PDE4D: variants seen among roughly 807,000 people sequenced by gnomAD.
PDE4D encodes 3',5'-cyclic-AMP phosphodiesterase 4D.
In PDE4D, 24 loss-of-function variants were observed where a neutral mutation model predicts 87.4. The ratio of observed to expected loss-of-function variants is 0.27; its 90% confidence interval spans 0.20 to 0.39. The LOEUF (loss-of-function observed/expected upper bound fraction) is 0.39. Among genes scored for constraint, PDE4D ranks in the 10% least tolerant of loss-of-function variants. The pLI, the probability that PDE4D is intolerant of heterozygous loss-of-function variation, is 1.00. For synonymous variants in PDE4D, 384 were observed against 383.2 expected, an observed-to-expected ratio of 1.00 and a Z score of -0.02; for missense variants, 714 against 1,041.0, an observed-to-expected ratio of 0.69 and a Z score of 4.32.
chr5:60,048,768 A>G (rs994123822), intron 2 of PDE4D, among the ~76,000 whole-genome samples: 1 of 151,968 alleles, frequency 6.6e-6, no homozygotes, highest in Non-Finnish European at 1.5e-5. Context: ...TTTGAGGGTA[A>G]CCCGACCTTT....
intron 1 of PDE4D, among the ~76,000 whole-genome samples, chr5:59,242,275 G>C (rs1415592455): frequency 6.6e-6 from 1 of 152,072 alleles, no homozygotes; most frequent in African/African-American, 2.4e-5. Flanking sequence ...GCTGATACAA[G>C]GTGCAGATTA....
At chr5:59,436,746 C>T (rs777310558) in intron 1 of PDE4D, among the ~76,000 whole-genome samples, 106 of 152,096 alleles carry the variant, frequency 7.0e-4, no homozygotes, top group Non-Finnish European at 1.2e-3. Context: ...GCTTTATTCT[C>T]CAGCTAATGG....
chr5:59,874,652 T>C (rs1581533900), intron 1 of PDE4D, among the ~76,000 whole-genome samples: 2 of 152,314 alleles, frequency 1.3e-5, no homozygotes, highest in African/African-American at 4.8e-5. Context: ...CTGTACCCTT[T>C]CCTCACACAA....
chr5:60,364,004 G>A (rs1760309006), intron 1 of PDE4D, among the ~76,000 whole-genome samples: 1 of 152,212 alleles, frequency 6.6e-6, no homozygotes. Context: ...GAAGTTACTG[G>A]TGAGTGTTAA....
At chr5:59,937,651 T>C (rs550462677) in intron 3 of PDE4D, among the ~76,000 whole-genome samples, 5 of 152,316 alleles carry the variant, frequency 3.3e-5, no homozygotes, top group African/African-American at 1.2e-4. Flanking sequence ...TCCTATTGAA[T>C]TAAGACCCTA....
chr5:59,415,890 CATA>C (rs1223708170), intron 1 of PDE4D, among the ~76,000 whole-genome samples: 13 of 152,144 alleles, frequency 8.5e-5, no homozygotes, highest in Non-Finnish European at 1.6e-4. Context: ...CGAAGTGTCT[CATA>C]ATATTTCTAT....
intron 2 of PDE4D, among the ~76,000 whole-genome samples, chr5:60,035,131 C>T (rs1767648147): frequency 1.3e-5 from 2 of 152,192 alleles, no homozygotes; most frequent in South Asian, 4.2e-4. Context: ...TGACGTATGC[C>T]TGTAGTCCCA....
At chr5:60,317,439 CT>C (rs1755737297) in intron 1 of PDE4D, among the ~76,000 whole-genome samples, 1 of 152,140 alleles carries the variant, frequency 6.6e-6, no homozygotes, top group Non-Finnish European at 1.5e-5. Flanking sequence ...AAAAAACCAG[CT>C]CTTGGATTCA....
At chr5:60,195,652 C>T (rs564157855) in intron 1 of PDE4D, among the ~76,000 whole-genome samples, 22 of 151,618 alleles carry the variant, frequency 1.5e-4, no homozygotes, top group South Asian at 4.2e-4. Context: ...GAGATAAATA[C>T]GATAAAAATC....
At chr5:60,073,944 C>A (rs1341898964) in intron 2 of PDE4D, among the ~76,000 whole-genome samples, 1 of 151,868 alleles carries the variant, frequency 6.6e-6, no homozygotes, top group Non-Finnish European at 1.5e-5. Flanking sequence ...AGCTAGCAGT[C>A]CATCTGTCTT....
intron 5 of PDE4D, among the ~76,000 whole-genome samples, chr5:59,178,873 G>C (rs1740791458): frequency 6.6e-6 from 1 of 152,136 alleles, no homozygotes; most frequent in Admixed American, 6.5e-5. Flanking sequence ...TTAGTGCCTG[G>C]AGCAGCGTGA....
chr5:60,185,915 A>C (rs903924408), intron 1 of PDE4D, among the ~76,000 whole-genome samples: 2 of 148,746 alleles, frequency 1.3e-5, no homozygotes, highest in Non-Finnish European at 3.0e-5. Flanking sequence ...TTAAATATTC[A>C]ACTCTACAGT....
intron 1 of PDE4D, among the ~76,000 whole-genome samples, chr5:59,750,563 C>T (rs554248691): frequency 6.6e-6 from 1 of 152,300 alleles, no homozygotes; most frequent in Admixed American, 6.5e-5. Flanking sequence ...CTTACCCTGA[C>T]TTATTCTTCT....
At chr5:60,290,029 C>T (rs1030856224) in intron 1 of PDE4D, among the ~76,000 whole-genome samples, 2 of 152,114 alleles carry the variant, frequency 1.3e-5, no homozygotes, top group Non-Finnish European at 2.9e-5. Context: ...CTAGATATGT[C>T]AAGATATGAT....
At chr5:59,335,765 C>T (rs139240133) in intron 1 of PDE4D, among the ~76,000 whole-genome samples, 2 of 152,266 alleles carry the variant, frequency 1.3e-5, no homozygotes, top group Admixed American at 1.3e-4. Flanking sequence ...TTTCATGTCC[C>T]TATCAATGAA....
At chr5:60,380,206 AT>A (rs1306367669) in intron 1 of PDE4D, among the ~76,000 whole-genome samples, 2 of 152,332 alleles carry the variant, frequency 1.3e-5, no homozygotes, top group Non-Finnish European at 2.9e-5. Flanking sequence ...AACTTTGAGG[AT>A]GTGAACTTAG....
intron 1 of PDE4D, among the ~76,000 whole-genome samples, chr5:59,602,227 A>G (rs1827612144): frequency 6.6e-6 from 1 of 152,048 alleles, no homozygotes; most frequent in South Asian, 2.1e-4. Context: ...ACATCCTTTC[A>G]TAATAAAAAC....
chr5:59,020,107 C>T (rs527332824), intron 6 of PDE4D, among the ~76,000 whole-genome samples: 9 of 152,180 alleles, frequency 5.9e-5, no homozygotes, highest in African/African-American at 2.2e-4. Context: ...AAATTAGTAC[C>T]AGATCTAGAG....
intron 1 of PDE4D, chr5:59,586,919 A>G (rs1825234099): frequency 1.0e-6 from 1 of 985,430 alleles, no homozygotes; most frequent in Non-Finnish European, 1.2e-6. Context: ...ACTTTAACGC[A>G]GTGCTACCGT....
Sources: allele counts gnomAD v4.1 joint callset (sites outside exome capture counted in the v4.1 genomes callset), GRCh38; gene constraint gnomAD v4.1.1; transcripts MANE v1.5; gene names NCBI Gene and HGNC (gene_info 2026-07-23, HGNC 2026-07-21).